The following DCAF10 variants were observed in gnomAD, a reference collection of about 807,000 sequenced individuals.
DCAF10 encodes DDB1 and CUL4 associated factor 10.
DCAF10 carries 19 observed loss-of-function variants against 51.9 expected under a neutral mutation model. That is an observed-to-expected ratio of 0.37 (90% CI 0.26 to 0.54). The LOEUF (loss-of-function observed/expected upper bound fraction) is 0.54. Ranked by LOEUF, DCAF10 falls within the 20% of genes least tolerant of loss-of-function variation. The pLI, the probability that DCAF10 is intolerant of heterozygous loss-of-function variation, is 0.87. For missense variants in DCAF10, 510 were observed against 730.6 expected (o/e 0.70, Z 3.48); for synonymous variants, 291 against 297.1 (o/e 0.98, Z 0.21).
intron 1 of DCAF10, among the ~76,000 whole-genome samples, chr9:37,806,431 T>C (rs951982186): frequency 2.0e-5 from 3 of 152,126 alleles, no homozygotes; most frequent in Non-Finnish European, 4.4e-5. Context: ...CCTGGCAACC[T>C]CCAACACACA....
intron 3 of DCAF10, among the ~76,000 whole-genome samples, 168 bp downstream of exon 3, chr9:37,842,454 C>A (rs574299038): frequency 5.9e-5 from 9 of 152,034 alleles, no homozygotes; most frequent in African/African-American, 1.9e-4. Context: ...TATATTGCAA[C>A]TAAAAATTTT....
In DCAF10 at chr9:37,861,260, C is replaced by G. The variant is rs1831007828; in HGVS notation, c.1432C>G (p.Leu478Val). The change falls in exon 7 of 7, where the codon CTT becomes GTT. Residue 478 changes from leucine to valine, a missense_variant. Coordinates refer to ENST00000377724, the MANE Select transcript of DCAF10 (RefSeq NM_024345.5). This position sits in a 1 kb window ranked among gnomAD's most constrained non-coding sequence, Gnocchi z 4.9. Reference sequence around the variant, plus strand: ...TGTAGGCAGGGGTTACATCAAAGAACTTTGCTTCAGCCCCGATGGACGAAT... The same window carrying G: ...TGTAGGCAGGGGTTACATCAAAGAAGTTTGCTTCAGCCCCGATGGACGAAT... ...ANVGRGYIKE[L>V]CFSPDGRMIS... The G allele has an allele frequency of 6.2e-7, 1 of 1,614,072 alleles. No homozygotes were observed. The highest frequency in any genetic ancestry group is 8.5e-7 in the Non-Finnish European group (1 of 1,180,040).
chr9:37,832,910 G>T (rs1830048849), intron 2 of DCAF10, among the ~76,000 whole-genome samples: 3 of 152,094 alleles, frequency 2.0e-5, no homozygotes, highest in Non-Finnish European at 4.4e-5. Context: ...TTTTGACAGG[G>T]TCTTGCTCTG....
intron 2 of DCAF10, among the ~76,000 whole-genome samples, chr9:37,822,007 T>C (rs1829717285): frequency 6.6e-6 from 1 of 151,600 alleles, no homozygotes. Context: ...CCAACAAACA[T>C]ATGAAAAAAT....
intron 3 of DCAF10, among the ~76,000 whole-genome samples, chr9:37,851,787 CA>C (rs925548689): frequency 6.8e-4 from 89 of 130,014 alleles, no homozygotes; most frequent in African/African-American, 2.6e-3. Flanking sequence ...GACTCTGTCT[CA>C]AAATAAATAA....
At chr9:37,848,830 G>T (rs952424855) in intron 3 of DCAF10, among the ~76,000 whole-genome samples, 1 of 151,904 alleles carries the variant, frequency 6.6e-6, no homozygotes, top group Non-Finnish European at 1.5e-5. Flanking sequence ...AAAATTAGCA[G>T]GGCGTGGTGG....
chr9:37,811,656 A>G (rs1195210041), intron 1 of DCAF10, among the ~76,000 whole-genome samples: 1 of 152,182 alleles, frequency 6.6e-6, no homozygotes, highest in Non-Finnish European at 1.5e-5. Flanking sequence ...TGAGCTTGAG[A>G]ATAGATGAGA....
intron 2 of DCAF10, chr9:37,832,017 T>A (rs1417286100): frequency 6.6e-6 from 1 of 152,206 alleles, no homozygotes; most frequent in African/African-American, 2.4e-5. Flanking sequence ...CCGGAGGTCA[T>A]CATAAAAATA....
Position 37,861,709 on chromosome 9 carries a change from A to G in DCAF10, c.*201A>G, listed in dbSNP as rs145563952. ...ATCTCCAAGTTAGACTCTATGCAGC[A>G]TCATCTTTTGCAGCATTCCTCTGCT... On this transcript the variant is annotated 3_prime_UTR_variant, in exon 7 of 7. Transcript: ENST00000377724. This position sits in a 1 kb window ranked among gnomAD's most constrained non-coding sequence, Gnocchi z 4.9. 85 of 634,092 alleles carry G rather than the reference A, an allele frequency of 1.3e-4. No homozygotes were observed. The African/African-American group carries it at 1.4e-3, about 10-fold the overall frequency. 39.3% of individuals were successfully genotyped at this position (634,092 alleles called of 1,614,324 possible).
intron 5 of DCAF10, among the ~76,000 whole-genome samples, chr9:37,859,026 G>C (rs1310812854): frequency 6.6e-6 from 1 of 152,102 alleles, no homozygotes; most frequent in Non-Finnish European, 1.5e-5. Context: ...TTTTGTTATA[G>C]GTTTTCCAAA....
chr9:37,817,598 AGAAAAAAAGAATCTCCCAGAG>A (rs1564028936), intron 1 of DCAF10, among the ~76,000 whole-genome samples: 3 of 115,948 alleles, frequency 2.6e-5, no homozygotes, highest in Non-Finnish European at 6.3e-5. Flanking sequence ...ACTTCGTCTC[AGAAAAAAAGAATCTCCCAGAG>A]TCTGGGACTG....
intron 1 of DCAF10, among the ~76,000 whole-genome samples, chr9:37,803,784 G>A (rs1829028942): frequency 6.6e-6 from 1 of 150,398 alleles, no homozygotes; most frequent in Non-Finnish European, 1.5e-5. Flanking sequence ...AGCTTACCAG[G>A]TAGCATAACC....
chr9:37,851,849 A>G (rs182239598), intron 3 of DCAF10, among the ~76,000 whole-genome samples: 117 of 148,090 alleles, frequency 7.9e-4, no homozygotes, highest in African/African-American at 2.8e-3. Flanking sequence ...TACCCAGAAT[A>G]TAATATGAAA....
intron 2 of DCAF10, among the ~76,000 whole-genome samples, chr9:37,826,496 T>C (rs2117896715): frequency 6.6e-6 from 1 of 152,324 alleles, no homozygotes; most frequent in South Asian, 2.1e-4. Flanking sequence ...CCAGCAGTTA[T>C]GCTGCTTAGT....
chr9:37,814,473 G>T (rs1829470315), intron 1 of DCAF10, among the ~76,000 whole-genome samples: 1 of 151,188 alleles, frequency 6.6e-6, no homozygotes. Flanking sequence ...AAGAGGCAGG[G>T]TCTTGCTGTG....
chr9:37,846,592 G>A (rs1830480093), intron 3 of DCAF10, among the ~76,000 whole-genome samples: 3 of 152,026 alleles, frequency 2.0e-5, no homozygotes, highest in African/African-American at 7.2e-5. Flanking sequence ...AAGTAGCTGG[G>A]ATTACAGGCA....
intron 2 of DCAF10, among the ~76,000 whole-genome samples, chr9:37,838,637 T>C (rs1830243258): frequency 6.6e-6 from 1 of 152,134 alleles, no homozygotes; most frequent in South Asian, 2.1e-4. Context: ...ACTCCTGTAA[T>C]CCCAGCACTT....
chr9:37,800,616 T>G, upstream of DCAF10: 4 of 1,536,048 alleles, frequency 2.6e-6, no homozygotes, highest in Non-Finnish European at 3.5e-6. Context: ...GCCACCCAGA[T>G]CAGGTGCCCA....
At chr9:37,844,326 C>G (rs1469379523) in intron 3 of DCAF10, among the ~76,000 whole-genome samples, 1 of 151,748 alleles carries the variant, frequency 6.6e-6, no homozygotes, top group Non-Finnish European at 1.5e-5. Context: ...ACCAGCCTGG[C>G]CAACATGGTG....
Sources: allele counts gnomAD v4.1 joint callset (sites outside exome capture counted in the v4.1 genomes callset), GRCh38; gene constraint gnomAD v4.1.1; non-coding constraint Gnocchi (gnomAD v3.1); transcripts MANE v1.5; gene names NCBI Gene and HGNC (gene_info 2026-07-23, HGNC 2026-07-21).